The following DNAJB14 variants were observed in gnomAD, a reference collection of about 807,000 sequenced individuals.
DNAJB14 encodes dnaJ homolog subfamily B member 14.
A neutral mutation model predicts 48.4 loss-of-function variants in DNAJB14; 22 were observed. The ratio of observed to expected loss-of-function variants is 0.45; its 90% CI spans 0.32 to 0.65. The LOEUF is 0.65. Ranked by LOEUF, DNAJB14 falls within the 30% of genes least tolerant of loss-of-function variation. The pLI is 0.03. For missense variants in DNAJB14, 319 were observed against 458.8 expected (o/e 0.70, Z 2.78); for synonymous variants, 142 against 158.7 (o/e 0.89, Z 0.79).
chr4:99,908,584 A>T, intron 4 of DNAJB14, 127 bp downstream of exon 4: 1 of 675,450 alleles, frequency 1.5e-6, no homozygotes, highest in Non-Finnish European at 2.2e-6. Flanking sequence ...TTCATGAAAA[A>T]CCATTACAGG....
intron 1 of DNAJB14, among the ~76,000 whole-genome samples, chr4:99,933,872 TG>T (rs1453368824): frequency 2.0e-5 from 3 of 152,262 alleles, no homozygotes; most frequent in Admixed American, 6.5e-5. Context: ...CAGGGGCATT[TG>T]CCAGCCCACA....
intron 3 of DNAJB14, chr4:99,922,838 A>T (rs1726109801): frequency 2.0e-6 from 1 of 500,856 alleles, no homozygotes; most frequent in Admixed American, 3.8e-5. Flanking sequence ...CAGAACTGGA[A>T]TGTTGCTTTT....
chr4:99,907,230 T>G (rs1016906780), intron 4 of DNAJB14, among the ~76,000 whole-genome samples: 17 of 152,222 alleles, frequency 1.1e-4, no homozygotes, highest in African/African-American at 4.1e-4. Context: ...TTGTTCCTAG[T>G]ATACTTCCAG....
At position 99,903,873 on chromosome 4, in the gene DNAJB14, G is replaced by T; in HGVS notation, c.868C>A (p.Gln290Lys). 6.2e-7 allele frequency: 1 copy of T among 1,612,084 alleles called. No individual in the cohort carries two copies. The highest frequency in any genetic ancestry group is 8.5e-7 in the Non-Finnish European group (1 of 1,179,134). Residue 290 changes from glutamine to lysine, a missense_variant, in exon 7 of 8, where the codon CAA becomes AAA. This residue lies in a region of DNAJB14 where 166 missense variants were observed against 236.3 expected (regional missense o/e 0.70). Coordinates refer to ENST00000442697, the MANE Select transcript of DNAJB14 (RefSeq NM_001031723.4). ...TAAACAACACCCAAGTTTTCTGTTT[G>T]CATTTTAATAGTTTGCCCAGTTCCA... Reference protein sequence around the residue: ...RSGTGQTIKMQTENLGVVYYV... With the variant: ...RSGTGQTIKMKTENLGVVYYV...
intron 2 of DNAJB14, 118 bp downstream of exon 2, chr4:99,930,332 G>T (rs1726416988): frequency 9.7e-7 from 1 of 1,030,834 alleles, no homozygotes; most frequent in Non-Finnish European, 1.4e-6. Flanking sequence ...CACACCCAGA[G>T]TTCAATTCCT....
chr4:99,945,714 A>G (rs1459575561), intron 1 of DNAJB14, among the ~76,000 whole-genome samples: 1 of 152,246 alleles, frequency 6.6e-6, no homozygotes, highest in Non-Finnish European at 1.5e-5. Context: ...CTTTGTGCTC[A>G]ATAAATGTTG....
intron 7 of DNAJB14, among the ~76,000 whole-genome samples, chr4:99,902,986 T>A (rs928775798): frequency 6.6e-6 from 1 of 152,178 alleles, no homozygotes; most frequent in African/African-American, 2.4e-5. Context: ...ATTTTACACA[T>A]GAAACTCATA....
intron 3 of DNAJB14, among the ~76,000 whole-genome samples, chr4:99,913,970 G>A (rs903053480): frequency 3.3e-5 from 5 of 152,098 alleles, no homozygotes; most frequent in Non-Finnish European, 7.4e-5. Context: ...CTTTTGTGCT[G>A]CATAACATGG....
chr4:99,933,381 G>A (rs368086120), intron 1 of DNAJB14, among the ~76,000 whole-genome samples: 7 of 131,032 alleles, frequency 5.3e-5, no homozygotes, highest in African/African-American at 1.8e-4. Flanking sequence ...TGCAACCTCC[G>A]TCTCCTGGGT....
rs560425647 is a variant in DNAJB14 at position 99,919,679 on chromosome 4, T to C, written c.451+3361A>G. 1.6e-4 allele frequency among the ~76,000 whole-genome samples: 25 copies of C among 152,296 alleles called. 1 individual carries two copies. In the South Asian group the frequency reaches 4.6e-3, roughly 28 times the overall value. ...AGGTCCCTACCTAGTTGGTCTGCCTTTTTTCTCTCCATCTTTCAGAGTCTT... is the reference window on the plus strand; with the variant it reads ...AGGTCCCTACCTAGTTGGTCTGCCTCTTTTCTCTCCATCTTTCAGAGTCTT... On this transcript the variant is annotated intron_variant, in intron 3 of 7. Coordinates refer to ENST00000442697, the MANE Select transcript of DNAJB14 (RefSeq NM_001031723.4).
rs1578213495 is a variant in DNAJB14 at position 99,906,552 on chromosome 4, G to A, written c.697C>T (p.His233Tyr). 2.5e-6 allele frequency: 4 copies of A among 1,611,398 alleles called. No individual in the cohort carries two copies. In the East Asian group the frequency reaches 6.7e-5, roughly 27 times the overall value. ...AGYSQQHQHR[H>Y]SGHEREEERG... ...TCCTCTTCTCTTTCATGTCCACTAT[G>A]TCGATGCTGATGTTGTTGGCTATAA... is the stretch of plus-strand genomic sequence containing the variant. The change falls in exon 5 of 8, where the codon CAT becomes TAT. Residue 233 changes from histidine (H) to tyrosine (Y), a missense_variant. His to Tyr is a moderately conservative substitution (Grantham distance 83). Around this residue, in one of 3 missense-constraint regions of DNAJB14, gnomAD observed 166 missense variants for 236.3 expected, o/e 0.70. Coordinates refer to ENST00000442697, the MANE Select transcript of DNAJB14 (RefSeq NM_001031723.4).
At chr4:99,938,142 G>A (rs1304655124) in intron 1 of DNAJB14, among the ~76,000 whole-genome samples, 1 of 143,644 alleles carries the variant, frequency 7.0e-6, no homozygotes, top group Non-Finnish European at 1.5e-5. Context: ...TGGGCGTCGT[G>A]GTGCATGCCT....
chr4:99,922,932 G>T, intron 3 of DNAJB14, 108 bp downstream of exon 3: 1 of 1,206,332 alleles, frequency 8.3e-7, no homozygotes, highest in Non-Finnish European at 1.1e-6. Flanking sequence ...TCTTGCTTGT[G>T]CTGGTCTCTA....
chr4:99,946,030 T>C (rs752210941), intron 1 of DNAJB14, among the ~76,000 whole-genome samples: 4 of 152,214 alleles, frequency 2.6e-5, no homozygotes, highest in Non-Finnish European at 5.9e-5. Context: ...AGTACACCAT[T>C]CCTCTCACTT....
intron 7 of DNAJB14, among the ~76,000 whole-genome samples, chr4:99,903,009 C>T (rs989075870): frequency 1.3e-5 from 2 of 152,112 alleles, no homozygotes; most frequent in Non-Finnish European, 2.9e-5. Context: ...GGTTACAATT[C>T]GTCAGCTAAA....
chr4:99,908,647 C>T (rs990657386), intron 4 of DNAJB14, 64 bp downstream of exon 4: 42 of 1,205,216 alleles, frequency 3.5e-5, no homozygotes, highest in Middle Eastern at 2.1e-4. Flanking sequence ...CTCTAAATAA[C>T]GTTAACTGGA....
rs1167945149 is a variant in DNAJB14, at chr4:99,934,789, CAAAAAAAAAAAA to C, written c.134-4180_134-4169del. 4.6e-3 allele frequency among the ~76,000 whole-genome samples: 31 copies of C among 6,772 alleles called. 1 individual carries two copies. The highest frequency in any genetic ancestry group is 5.6e-3 in the Non-Finnish European group (23 of 4,102). 4.4% of individuals were successfully genotyped at this position (6,772 alleles called of 152,430 possible). A position where few individuals can be genotyped will look rare whatever the true frequency, so the allele number is the denominator to read the frequency against. ...CCTGGGTGACAGAGCAAGACTGTCT[CAAAAAAAAAAAA>C]AAAAAAAAAAAAAAAAAAGAAAAGA... On this transcript the variant is annotated intron_variant, in intron 1 of 7. Coordinates refer to ENST00000442697, the MANE Select transcript of DNAJB14 (RefSeq NM_001031723.4).
At chr4:99,907,797 C>T (rs1488978331) in intron 4 of DNAJB14, among the ~76,000 whole-genome samples, 1 of 152,160 alleles carries the variant, frequency 6.6e-6, no homozygotes, top group Non-Finnish European at 1.5e-5. Context: ...GGATTTACTT[C>T]AGCACCTGAA....
chr4:99,908,636 T>G, intron 4 of DNAJB14, 75 bp downstream of exon 4: 2 of 1,120,024 alleles, frequency 1.8e-6, no homozygotes, highest in South Asian at 2.3e-5. Context: ...GGTAGATACA[T>G]CTCTAAATAA....
Sources: gnomAD v4.1 joint callset for allele counts (sites outside exome capture counted in the v4.1 genomes callset) on GRCh38, gnomAD v4.1.1 for gene constraint, gnomAD v4.1.1 regional missense constraint, MANE v1.5 for transcripts, NCBI Gene and HGNC (gene_info 2026-07-23, HGNC 2026-07-21) for gene names.